CSMD1: variants seen among roughly 807,000 people sequenced by gnomAD.
CSMD1 encodes CUB and Sushi multiple domains 1.
A neutral mutation model predicts 417.5 loss-of-function variants in CSMD1; 213 were observed. That is an observed-to-expected ratio of 0.51 (90% CI 0.46 to 0.57). CSMD1 has a LOEUF of 0.57. Among genes scored for constraint, CSMD1 ranks in the 20% least tolerant of loss-of-function variants. The pLI, the probability that CSMD1 is intolerant of heterozygous loss-of-function variation, is 0.00. For missense variants in CSMD1, 6,923 were observed against 4,529.7 expected (o/e 1.53, Z -15.17); for synonymous variants, 2,862 against 1,736.8 (o/e 1.65, Z -16.11).
intron 33 of CSMD1, among the ~76,000 whole-genome samples, chr8:3,194,337 C>G (rs1480594312): frequency 6.6e-6 from 1 of 151,980 alleles, no homozygotes; most frequent in Non-Finnish European, 1.5e-5. Flanking sequence ...GTACATCTTT[C>G]CTACCCAAAC....
chr8:4,614,331 G>A (rs956693674), intron 2 of CSMD1, among the ~76,000 whole-genome samples: 1 of 152,096 alleles, frequency 6.6e-6, no homozygotes, highest in Non-Finnish European at 1.5e-5. Flanking sequence ...CTGTCTTGAA[G>A]GTAGCACTCC....
At chr8:4,484,954 C>T (rs1801293274) in intron 2 of CSMD1, among the ~76,000 whole-genome samples, 1 of 109,708 alleles carries the variant, frequency 9.1e-6, no homozygotes, top group Non-Finnish European at 1.8e-5. Context: ...GCACTCCAAC[C>T]TGGTTGACAG....
intron 5 of CSMD1, among the ~76,000 whole-genome samples, chr8:3,871,199 A>G (rs1455605843): frequency 1.3e-5 from 2 of 152,080 alleles, no homozygotes; most frequent in African/African-American, 4.8e-5. Context: ...ATATTTTTCT[A>G]CAATGTGTAC....
intron 18 of CSMD1, among the ~76,000 whole-genome samples, chr8:3,371,726 A>T (rs1809962249): frequency 6.6e-6 from 1 of 152,198 alleles, no homozygotes; most frequent in African/African-American, 2.4e-5. Context: ...AAGGGAACAA[A>T]TCATCTCCTT....
chr8:4,709,878 G>T (rs968052515), intron 1 of CSMD1, among the ~76,000 whole-genome samples: 3 of 152,130 alleles, frequency 2.0e-5, no homozygotes, highest in Non-Finnish European at 1.5e-5. Flanking sequence ...CTCAATGAAC[G>T]TTTAAAGTAA....
chr8:4,426,594 GTATA>G (rs1797571366), intron 2 of CSMD1, among the ~76,000 whole-genome samples: 1 of 134,846 alleles, frequency 7.4e-6, no homozygotes, highest in South Asian at 2.4e-4. Flanking sequence ...GTGCAGTATA[GTATA>G]TATACTATAA....
intron 12 of CSMD1, among the ~76,000 whole-genome samples, chr8:3,430,778 G>C (rs190846633): frequency 1.3e-5 from 2 of 152,150 alleles, no homozygotes; most frequent in Non-Finnish European, 2.9e-5. Flanking sequence ...CTGAACTGCA[G>C]CCTGGGTAAC....
chr8:4,948,273 G>A (rs1009339519), intron 1 of CSMD1, among the ~76,000 whole-genome samples: 14 of 151,764 alleles, frequency 9.2e-5, no homozygotes, highest in Non-Finnish European at 1.6e-4. Context: ...CCATTAATGG[G>A]GTTGAATATT....
At chr8:4,378,119 G>A (rs1802872082) in intron 3 of CSMD1, among the ~76,000 whole-genome samples, 1 of 152,102 alleles carries the variant, frequency 6.6e-6, no homozygotes, top group African/African-American at 2.4e-5. Context: ...AAATTTTACG[G>A]GTGGCATGGA....
chr8:4,903,360 C>A lies in CSMD1; in HGVS notation c.85+90972G>T, dbSNP rs113529528. Among the ~76,000 whole-genome samples, 495 of 152,162 alleles carry A rather than the reference C, an allele frequency of 3.3e-3. 6 individuals are homozygous for A. The highest frequency in any genetic ancestry group is 0.011 in the African/African-American group (460 of 41,524). ...TTGATAAGTAGCTCTTAAATATACC[C>A]CTGTGGTTTTAATTCAGGAAGCTTC... On this transcript the variant is annotated intron_variant, in intron 1 of 69. Transcript: ENST00000635120.
intron 25 of CSMD1, among the ~76,000 whole-genome samples, chr8:3,298,315 C>G (rs1269215315): frequency 1.3e-5 from 2 of 152,186 alleles, no homozygotes; most frequent in African/African-American, 4.8e-5. Flanking sequence ...TGCATTAACT[C>G]CAAACTGCAT....
At position 4,431,438 on chromosome 8, in the gene CSMD1, G is replaced by A. The variant is rs138228248; in HGVS notation, c.303-11373C>T. On this transcript the variant is annotated intron_variant, in intron 2 of 69. Coordinates refer to ENST00000635120, the MANE Select transcript of CSMD1 (RefSeq NM_033225.6). ...AGGAGGAACAAGGTGAGAGGAGAGCGAGTGAGCACACAGTCAGGAGAGGAG... is the reference window on the plus strand; with the variant it reads ...AGGAGGAACAAGGTGAGAGGAGAGCAAGTGAGCACACAGTCAGGAGAGGAG... Among the ~76,000 whole-genome samples, 437 of 152,186 alleles carry A rather than the reference G, an allele frequency of 2.9e-3. 3 individuals carry two copies. Among genetic ancestry groups the A allele is most frequent in the African/African-American group, 9.7e-3 (401 of 41,530 alleles).
chr8:3,465,555 G>T (rs907632105), intron 12 of CSMD1, among the ~76,000 whole-genome samples: 24 of 152,108 alleles, frequency 1.6e-4, no homozygotes, highest in Non-Finnish European at 2.4e-4. Flanking sequence ...TTTTCTCAGA[G>T]ACAACAGTGC....
At chr8:3,594,870 G>A (rs549631164) in intron 8 of CSMD1, among the ~76,000 whole-genome samples, 170 of 152,102 alleles carry the variant, frequency 1.1e-3, no homozygotes, top group Non-Finnish European at 1.9e-3. Flanking sequence ...TGGAGCTTCT[G>A]AGAGCCCTGC....
At chr8:4,488,684 T>TGG (rs141706052) in intron 2 of CSMD1, among the ~76,000 whole-genome samples, 423 of 151,014 alleles carry the variant, frequency 2.8e-3, no homozygotes, top group African/African-American at 8.3e-3. Context: ...ATCATGGCGG[T>TGG]GGGGGGGGTG....
chr8:3,143,160 T>C (rs977419316), intron 40 of CSMD1, among the ~76,000 whole-genome samples: 1 of 152,204 alleles, frequency 6.6e-6, no homozygotes, highest in Non-Finnish European at 1.5e-5. Context: ...TTTTTTTGTT[T>C]TTATTTTGTG....
chr8:4,192,190 T>C (rs1337766602), intron 3 of CSMD1, among the ~76,000 whole-genome samples: 1 of 152,160 alleles, frequency 6.6e-6, no homozygotes, highest in Non-Finnish European at 1.5e-5. Context: ...CAGATGGCTT[T>C]AAAAATCAAA....
At chr8:3,363,809 C>T (rs1004606395) in intron 20 of CSMD1, among the ~76,000 whole-genome samples, 2 of 152,136 alleles carry the variant, frequency 1.3e-5, no homozygotes, top group South Asian at 2.1e-4. Context: ...GAAGTAGACA[C>T]GTCGTAGCGA....
chr8:2,993,972 C>G (rs1318619562), intron 54 of CSMD1, among the ~76,000 whole-genome samples: 1 of 146,254 alleles, frequency 6.8e-6, no homozygotes, highest in Non-Finnish European at 1.5e-5. Context: ...GGTGAAACCC[C>G]ATCCCTACTA....
Sources: allele counts gnomAD v4.1 joint callset (sites outside exome capture counted in the v4.1 genomes callset), GRCh38; gene constraint gnomAD v4.1.1; transcripts MANE v1.5; gene names NCBI Gene and HGNC (gene_info 2026-07-23, HGNC 2026-07-21).